Variants in ESR1 observed in about 807,000 individuals in gnomAD.
ESR1 encodes the protein estrogen receptor.
Under a neutral mutation model 52.7 loss-of-function variants are expected in ESR1, and 12 were observed. The observed-to-expected ratio is 0.23, with a 90% CI of 0.15 to 0.37. ESR1 has a LOEUF of 0.37. ESR1 is among the 10% of genes least tolerant of loss of function. The pLI, the probability that ESR1 is intolerant of heterozygous loss-of-function variation, is 1.00. For synonymous variants in ESR1, 305 were observed against 316.8 expected (o/e 0.96, Z 0.39); for missense variants, 584 against 779.7 (o/e 0.75, Z 2.99).
chr6:151,857,931 AT>A (rs1788163461), intron 2 of ESR1, among the ~76,000 whole-genome samples: 1 of 152,138 alleles, frequency 6.6e-6, no homozygotes, highest in Admixed American at 6.5e-5. Context: ...GCATATCTGT[AT>A]TTTTATTTTT....
intron 6 of ESR1, among the ~76,000 whole-genome samples, chr6:152,072,474 G>T (rs2048428680): frequency 1.3e-5 from 2 of 152,172 alleles, no homozygotes; most frequent in African/African-American, 4.8e-5. Flanking sequence ...TTGTGTGATT[G>T]GCATGTCCTT....
At chr6:151,713,919 T>C (rs1296208506) in intron 2 of ESR1, among the ~76,000 whole-genome samples, 2 of 152,298 alleles carry the variant, frequency 1.3e-5, no homozygotes, top group East Asian at 1.9e-4. Flanking sequence ...CTAGTTCTTT[T>C]AATTGTGATG....
intron 3 of ESR1, among the ~76,000 whole-genome samples, chr6:151,887,768 G>C (rs1185379182): frequency 2.6e-5 from 4 of 152,042 alleles, no homozygotes; most frequent in African/African-American, 9.7e-5. Context: ...ATCCCTATAA[G>C]GACCATGTTC....
chr6:151,915,845 C>T (rs1562543913), intron 3 of ESR1, among the ~76,000 whole-genome samples: 2 of 142,908 alleles, frequency 1.4e-5, no homozygotes, highest in Non-Finnish European at 3.0e-5. Context: ...TCCTTTCTCT[C>T]TTTCTCTCTC....
At chr6:151,863,620 T>C (rs1039257429) in intron 2 of ESR1, among the ~76,000 whole-genome samples, 7 of 152,192 alleles carry the variant, frequency 4.6e-5, no homozygotes, top group Non-Finnish European at 1.5e-5. Context: ...CTTTTGCTAA[T>C]TGAATACTCT....
intron 2 of ESR1, among the ~76,000 whole-genome samples, chr6:151,796,319 GGGTGT>G (rs1449184417): frequency 2.0e-5 from 3 of 152,108 alleles, no homozygotes; most frequent in Non-Finnish European, 4.4e-5. Context: ...TTTTAAAAAG[GGGTGT>G]GGAAGAATGT....
At chr6:151,799,748 AG>A (rs779419432), upstream of ESR1, among the ~76,000 whole-genome samples, 47 of 152,248 alleles carry the variant, frequency 3.1e-4, no homozygotes, top group Non-Finnish European at 5.7e-4. Flanking sequence ...AAATCAAGGA[AG>A]GCTTCCTGGT....
At chr6:151,990,243 AGT>A (rs368882682) in intron 4 of ESR1, among the ~76,000 whole-genome samples, 5 of 150,612 alleles carry the variant, frequency 3.3e-5, no homozygotes, top group Admixed American at 1.3e-4. Context: ...TTGTGGAATG[AGT>A]GTGTGTGTGT....
chr6:152,061,014 G>T lies in ESR1; in HGVS notation c.1259G>T (p.Gly420Val), dbSNP rs2128957803. ...AGGAACCAGGGAAAATGTGTAGAGGGCATGGTGGAGATCTTCGACATGCTG... is the reference window on the plus strand; with the variant it reads ...AGGAACCAGGGAAAATGTGTAGAGGTCATGGTGGAGATCTTCGACATGCTG... ...LDRNQGKCVE[G>V]MVEIFDMLLA... Residue 420 changes from glycine to valine, a missense_variant, in exon 6 of 8, where the codon GGC (glycine) becomes GTC (valine). By Grantham distance (109) the Gly-to-Val change is moderately radical. Coordinates refer to ENST00000206249, the MANE Select transcript of ESR1 (RefSeq NM_000125.4). This position sits in a 1 kb window ranked among gnomAD's most constrained non-coding sequence, Gnocchi z 4.3. The T allele has an allele frequency of 6.2e-7, 1 of 1,611,308 alleles. No individual in the cohort carries two copies. The highest frequency in any genetic ancestry group is 1.7e-5 in the Admixed American group (1 of 59,810).
intron 2 of ESR1, among the ~76,000 whole-genome samples, chr6:151,747,124 A>T (rs1182205151): frequency 6.6e-6 from 1 of 152,236 alleles, no homozygotes; most frequent in East Asian, 1.9e-4. Context: ...TAAAATGTGG[A>T]CTAATCAATG....
At chr6:151,673,353 T>C (rs558111242) in intron 1 of ESR1, among the ~76,000 whole-genome samples, 4 of 152,370 alleles carry the variant, frequency 2.6e-5, no homozygotes, top group African/African-American at 9.6e-5. Context: ...GTTTGGACGC[T>C]TCACTTTATT....
At chr6:151,688,619 C>G (rs960708532), upstream of ESR1, among the ~76,000 whole-genome samples, 7 of 150,166 alleles carry the variant, frequency 4.7e-5, no homozygotes, top group African/African-American at 1.7e-4. Flanking sequence ...TAGCTGCATA[C>G]TAGGGGAAAA....
intron 5 of ESR1, among the ~76,000 whole-genome samples, chr6:152,024,877 A>G (rs2044001309): frequency 6.6e-6 from 1 of 150,986 alleles, no homozygotes; most frequent in Non-Finnish European, 1.5e-5. Context: ...ATATATAAAT[A>G]TACTAGAAAG....
intron 6 of ESR1, among the ~76,000 whole-genome samples, chr6:152,116,291 C>T (rs1041543174): frequency 2.6e-5 from 4 of 152,170 alleles, no homozygotes; most frequent in African/African-American, 9.7e-5. Context: ...GCAAGAGTGT[C>T]TACTGCAGCC....
At chr6:151,944,150 T>TC (rs2035438940) in intron 3 of ESR1, 23 bp from the exon 4 acceptor site, 2 of 1,604,464 alleles carry the variant, frequency 1.2e-6, no homozygotes, top group African/African-American at 1.3e-5. Context: ...TAAACTAATT[T>TC]TTTTTTCCAC....
intron 3 of ESR1, among the ~76,000 whole-genome samples, chr6:151,899,343 C>CAGA (rs1796183746): frequency 5.4e-5 from 6 of 111,226 alleles, no homozygotes; most frequent in South Asian, 2.9e-4. Context: ...GCTGGCCAGG[C>CAGA]GGGGGGCTGA....
At chr6:151,934,985 C>T (rs887169777) in intron 3 of ESR1, among the ~76,000 whole-genome samples, 3 of 152,188 alleles carry the variant, frequency 2.0e-5, no homozygotes, top group Non-Finnish European at 4.4e-5. Flanking sequence ...TTGTGCCAGT[C>T]AGTGTTTTCT....
chr6:151,804,546 A>G (rs1319325804), upstream of ESR1: 2 of 148,044 alleles, frequency 1.4e-5, no homozygotes, highest in Non-Finnish European at 2.9e-5. Flanking sequence ...AATACTGACT[A>G]TGGAGAGAGC....
chr6:152,007,425 G>A lies in ESR1; in HGVS notation c.1097-4231G>A, dbSNP rs185179896. Among the ~76,000 whole-genome samples, 8 of 152,088 alleles carry A rather than the reference G, an allele frequency of 5.3e-5. No individual in the cohort carries two copies. The East Asian group carries it at 1.6e-3, about 30-fold the overall frequency. On this transcript the variant is annotated intron_variant, in intron 4 of 7. Transcript: ENST00000206249. Reference sequence around the variant, plus strand: ...GTGAGCTGATTTATGATGGAGGGGTGAATTGTGCCATGAAAGAGACTCCCC... The same window carrying A: ...GTGAGCTGATTTATGATGGAGGGGTAAATTGTGCCATGAAAGAGACTCCCC...
Sources: allele counts gnomAD v4.1 joint callset (sites outside exome capture counted in the v4.1 genomes callset), GRCh38; gene constraint gnomAD v4.1.1; non-coding constraint Gnocchi (gnomAD v3.1); transcripts MANE v1.5; gene names NCBI Gene and HGNC (gene_info 2026-07-23, HGNC 2026-07-21).